The following MYLK variants were observed in gnomAD, a reference collection of about 807,000 sequenced individuals.
MYLK encodes myosin light chain kinase.
MYLK carries 106 observed loss-of-function variants against 203.4 expected under a neutral mutation model. The ratio of observed to expected loss-of-function variants is 0.52; its 90% CI spans 0.45 to 0.61. The LOEUF (loss-of-function observed/expected upper bound fraction) is 0.61, where lower values mean the gene tolerates loss of function less well. MYLK is among the 20% of genes least tolerant of loss of function. MYLK has a pLI of 0.00. For synonymous variants in MYLK, 867 were observed against 959.5 expected (o/e 0.90, Z 1.78); for missense variants, 2,072 against 2,442.3 (o/e 0.85, Z 3.20).
intron 5 of MYLK, among the ~76,000 whole-genome samples, chr3:123,742,252 TG>T (rs1423348565): frequency 2.6e-5 from 4 of 152,206 alleles, no homozygotes; most frequent in Non-Finnish European, 5.9e-5. Flanking sequence ...ACTCATCAGA[TG>T]TATCCGGAAC....
At position 123,707,839 on chromosome 3, in the gene MYLK, C is replaced by T. The variant is rs201806277; in HGVS notation, c.2305G>A (p.Glu769Lys). 64 of 1,614,222 alleles carry T rather than the reference C, an allele frequency of 4.0e-5. No individual in the cohort carries two copies. In the Admixed American group the frequency reaches 5.3e-4, roughly 13 times the overall value. The change falls in exon 16 of 34, where the codon GAG (glutamate) becomes AAG (lysine). Residue 769 changes from glutamate (E) to lysine (K), a missense_variant. Glu to Lys is a moderately conservative substitution (Grantham distance 56). This residue lies in a region of MYLK where 865 missense variants were observed against 1,016.0 expected (regional missense o/e 0.85). Transcript: ENST00000360304. ...KALCKDTGHF[E>K]VLQNEDVFTL... ...AACACGTCCTCATTCTGAAGCACCT[C>T]GAAGTGGCCAGTGTCTTTGCAGAGG...
Position 123,734,056 on chromosome 3 carries a change from G to T in MYLK, c.940C>A (p.Pro314Thr). 6.2e-7 allele frequency: 1 copy of T among 1,613,918 alleles called. No individual in the cohort carries two copies. Among genetic ancestry groups the T allele is most frequent in the Non-Finnish European group, 8.5e-7 (1 of 1,179,862 alleles). Residue 314 changes from proline to threonine, a missense_variant, in exon 10 of 34, where the codon CCT becomes ACT. By Grantham distance (38) the Pro-to-Thr change is conservative. Around this residue, in one of 3 missense-constraint regions of MYLK, gnomAD observed 683 missense variants for 643.8 expected, o/e 1.06. Coordinates refer to ENST00000360304, the MANE Select transcript of MYLK (RefSeq NM_053025.4). ...GSPPWAANSQ[P>T]QPPRESKLES... is the part of the protein sequence containing the mutation. ...AGCTTGGACTCCCTTGGGGGCTGAG[G>T]CTGGCTGTTTGCAGCCCAGGGTGGG...
chr3:123,707,929 G>A lies in MYLK; in HGVS notation c.2215C>T (p.Leu739Phe), dbSNP rs1463482979. Residue 739 changes from leucine to phenylalanine, a missense_variant, in exon 16 of 34, where the codon CTC becomes TTC. This residue lies in a region of MYLK where 865 missense variants were observed against 1,016.0 expected (regional missense o/e 0.85). Coordinates refer to ENST00000360304, the MANE Select transcript of MYLK (RefSeq NM_053025.4). ...SVTASLGQSV[L>F]ISCAIAGDPF... is the part of the protein sequence containing the mutation. ...TCACCAGCTATGGCGCAGGAGATGA[G>A]GACACTCTGGCCCAGGGAGGCTGTC... The A allele has an allele frequency of 1.2e-6, 2 of 1,614,198 alleles. No homozygotes were observed. Among genetic ancestry groups the A allele is most frequent in the Non-Finnish European group, 1.7e-6 (2 of 1,180,036 alleles).
In MYLK at chr3:123,734,369, T is replaced by G. The variant is rs1339595485; in HGVS notation, c.774-147A>C. On this transcript the variant is annotated intron_variant, in intron 9 of 33. Coordinates refer to ENST00000360304, the MANE Select transcript of MYLK (RefSeq NM_053025.4). ...AGTTAAGGGCAAGTAAGAGCATCTT[T>G]CTCTGCAGTTTGCCCAGTTTCCCAA... 3.8e-6 allele frequency: 3 copies of G among 786,870 alleles called. No individual in the cohort carries two copies. The East Asian group carries it at 8.6e-5, about 23-fold the overall frequency. 48.7% of individuals were successfully genotyped at this position (786,870 alleles called of 1,614,324 possible).
At chr3:123,854,301 A>T (rs2031147332) in intron 2 of MYLK, among the ~76,000 whole-genome samples, 1 of 151,914 alleles carries the variant, frequency 6.6e-6, no homozygotes, top group Admixed American at 6.6e-5. Flanking sequence ...GGTACAATTG[A>T]TGACTATAGT....
chr3:123,870,496 T>C (rs763514162), intron 2 of MYLK, among the ~76,000 whole-genome samples: 14 of 152,248 alleles, frequency 9.2e-5, no homozygotes, highest in South Asian at 6.2e-4. Flanking sequence ...GAGAAGCTCA[T>C]GGCTCAGTGA....
At chr3:123,763,883 TTCTC>T in intron 4 of MYLK, among the ~76,000 whole-genome samples, 1 of 152,320 alleles carries the variant, frequency 6.6e-6, no homozygotes, top group East Asian at 1.9e-4. Flanking sequence ...GTTTTGAGAA[TTCTC>T]TCTCTACTGT....
intron 31 of MYLK, chr3:123,625,315 T>C (rs1267570449): frequency 6.6e-6 from 1 of 152,228 alleles, no homozygotes; most frequent in Non-Finnish European, 1.5e-5. Context: ...CATCCTTTCA[T>C]GTCTAGTTGC....
intron 20 of MYLK, among the ~76,000 whole-genome samples, chr3:123,678,739 T>C (rs928817766): frequency 6.6e-6 from 1 of 151,986 alleles, no homozygotes; most frequent in African/African-American, 2.4e-5. Flanking sequence ...AAAAGGCAAG[T>C]TGCAGAGGTA....
In MYLK at chr3:123,818,447, T is replaced by C. The variant is rs543685376; in HGVS notation, c.-4+13101A>G. On this transcript the variant is annotated intron_variant, in intron 3 of 33. Coordinates refer to ENST00000360304, the MANE Select transcript of MYLK (RefSeq NM_053025.4). ...CAGGGAACCTGTAATCCCAGCACTT[T>C]GGGAGGCCAAGGCAAGTCGACCACT... Among the ~76,000 whole-genome samples the C allele has an allele frequency of 7.9e-5, 12 of 152,186 alleles. No individual in the cohort carries two copies. The East Asian group carries it at 1.5e-3, about 20-fold the overall frequency.
chr3:123,871,386 C>A (rs1429446848), intron 2 of MYLK, among the ~76,000 whole-genome samples: 1 of 152,114 alleles, frequency 6.6e-6, no homozygotes, highest in Non-Finnish European at 1.5e-5. Flanking sequence ...CCAACAAACA[C>A]CTGGTTCTTT....
intron 4 of MYLK, among the ~76,000 whole-genome samples, chr3:123,759,884 A>G (rs2063480375): frequency 6.6e-6 from 1 of 152,228 alleles, no homozygotes; most frequent in Non-Finnish European, 1.5e-5. Context: ...GAAGAAATGG[A>G]GACAGAGTTG....
At chr3:123,873,804 T>G (rs1192692673) in intron 2 of MYLK, among the ~76,000 whole-genome samples, 1 of 148,978 alleles carries the variant, frequency 6.7e-6, no homozygotes, top group Non-Finnish European at 1.5e-5. Flanking sequence ...TTATTCTGAT[T>G]TAAATTTTTA....
intron 4 of MYLK, among the ~76,000 whole-genome samples, chr3:123,781,822 G>A (rs2064311239): frequency 2.0e-5 from 3 of 151,994 alleles, no homozygotes; most frequent in African/African-American, 4.8e-5. Flanking sequence ...CCAGCTCATG[G>A]TAAAGTGCTT....
At chr3:123,780,795 C>T (rs906182911) in intron 4 of MYLK, among the ~76,000 whole-genome samples, 16 of 152,178 alleles carry the variant, frequency 1.1e-4, no homozygotes, top group Non-Finnish European at 2.2e-4. Context: ...ATATCTACCA[C>T]GGGCCGGGCA....
In MYLK at chr3:123,699,968, G is replaced by C. The variant is rs187296613; in HGVS notation, c.3448+52C>G. ...GCGAGACCAACGCTCCATGAGCTAGGAGTGGCCCTGGTACAGAGGCCCCTT... is the reference window on the plus strand; with the variant it reads ...GCGAGACCAACGCTCCATGAGCTAGCAGTGGCCCTGGTACAGAGGCCCCTT... On this transcript the variant is annotated intron_variant, in intron 18 of 33. Transcript: ENST00000360304. The C allele has an allele frequency of 5.1e-4, 817 of 1,612,606 alleles. 4 individuals are homozygous for C. The African/African-American group carries it at 0.01, about 20-fold the overall frequency.
At chr3:123,843,567 A>G (rs1028542428) in intron 2 of MYLK, among the ~76,000 whole-genome samples, 42 of 152,234 alleles carry the variant, frequency 2.8e-4, no homozygotes, top group Non-Finnish European at 5.1e-4. Context: ...CAGCATAACC[A>G]AGAAAAGGGC....
intron 2 of MYLK, among the ~76,000 whole-genome samples, chr3:123,851,629 T>G (rs892440994): frequency 6.6e-6 from 1 of 152,228 alleles, no homozygotes; most frequent in African/African-American, 2.4e-5. Context: ...GCTTATCAGC[T>G]TAAGGAGATT....
At chr3:123,733,394 G>A (rs1260105755) in intron 10 of MYLK, among the ~76,000 whole-genome samples, 1 of 152,160 alleles carries the variant, frequency 6.6e-6, no homozygotes, top group African/African-American at 2.4e-5. Context: ...TTTGCTTTTC[G>A]ATGTTGGCGA....
Sources: allele counts gnomAD v4.1 joint callset (sites outside exome capture counted in the v4.1 genomes callset), GRCh38; gene constraint gnomAD v4.1.1; regional missense constraint gnomAD v4.1.1; transcripts MANE v1.5; gene names NCBI Gene and HGNC (gene_info 2026-07-23, HGNC 2026-07-21).